Variants in PCDHA5 observed in about 807,000 individuals in gnomAD.
The protein encoded by PCDHA5 is protocadherin alpha 5.
A neutral mutation model predicts 61.6 loss-of-function variants in PCDHA5; 43 were observed. That is an observed-to-expected ratio of 0.70 (90% CI 0.55 to 0.90). The LOEUF is 0.90. Ranked by LOEUF, PCDHA5 falls within the 40% of genes least tolerant of loss-of-function variation. The pLI, the probability that PCDHA5 is intolerant of heterozygous loss-of-function variation, is 0.00. For synonymous variants in PCDHA5, 627 were observed against 543.9 expected, an observed-to-expected ratio of 1.15 and a Z score of -2.13; for missense variants, 1,298 against 1,222.7, an observed-to-expected ratio of 1.06 and a Z score of -0.92.
intron 1 of PCDHA5, chr5:140,850,108 G>T: frequency 6.3e-7 from 1 of 1,596,108 alleles, no homozygotes; most frequent in Non-Finnish European, 8.6e-7. Context: ...GTGAGCGCGC[G>T]CGACGCGGGC....
chr5:140,848,879 C>T (rs2150423372), intron 1 of PCDHA5: 26 of 1,590,952 alleles, frequency 1.6e-5, no homozygotes, highest in Admixed American at 1.2e-4. Flanking sequence ...ACATTAACGA[C>T]AACCCTCCAG....
rs1430137096 is a variant in PCDHA5, at chr5:140,871,495, G to A, written c.2352+47368G>A. On this transcript the variant is annotated intron_variant, in intron 1 of 3. Transcript: ENST00000529859. ...GCCAGGGTCAAATCACCCCGGACAG[G>A]TGAGTTTTCTACAGATTCCACCTAT... 5 of 1,588,092 alleles carry A rather than the reference G, an allele frequency of 3.1e-6. No homozygotes were observed. The African/African-American group carries it at 6.7e-5, about 21-fold the overall frequency.
intron 1 of PCDHA5, chr5:140,862,692 G>A (rs1354476181): frequency 3.2e-5 from 18 of 555,384 alleles, no homozygotes; most frequent in Admixed American, 5.8e-5. Flanking sequence ...TGTCCTACTC[G>A]TTGATGGAAC....
intron 1 of PCDHA5, chr5:140,876,755 G>C (rs782037862): frequency 1.9e-6 from 3 of 1,614,248 alleles, no homozygotes; most frequent in Non-Finnish European, 1.7e-6. Flanking sequence ...GTGACTGCGC[G>C]GGATGGGGGC....
intron 1 of PCDHA5, among the ~76,000 whole-genome samples, chr5:140,826,666 G>A (rs1554130619): frequency 6.6e-6 from 1 of 152,130 alleles, no homozygotes; most frequent in Non-Finnish European, 1.5e-5. Flanking sequence ...CAAGTAAATT[G>A]TAGACGTAAT....
intron 1 of PCDHA5, chr5:140,841,441 A>G: frequency 1.2e-6 from 2 of 1,612,978 alleles, no homozygotes; most frequent in Non-Finnish European, 1.7e-6. Context: ...AGGAGGCCAA[A>G]CACGGCACCT....
At chr5:140,828,871 A>C in intron 1 of PCDHA5, 1 of 1,614,250 alleles carries the variant, frequency 6.2e-7, no homozygotes, top group Non-Finnish European at 8.5e-7. Context: ...ACGGAACAAC[A>C]GTTATCAGAC....
rs1470317828 is a variant in PCDHA5 at position 140,823,077 on chromosome 5, G to A, written c.1302G>A (p.Leu434=). ...CGCGGGACGGGGGCTCGCCTTCGCT[G>A]TGGGCCACCGCCAGCGTGTCTGTGG... is the stretch of plus-strand genomic sequence containing the variant. ...VTARDGGSPS[L]WATASVSVEV... The change falls in exon 1 of 4, where the codon CTG becomes CTA. Residue 434 remains leucine, a synonymous_variant. Transcript: ENST00000529859. The A allele has an allele frequency of 2.5e-6, 4 of 1,614,028 alleles. No homozygotes were observed. Among genetic ancestry groups the A allele is most frequent in the Non-Finnish European group, 3.4e-6 (4 of 1,180,024 alleles).
intron 1 of PCDHA5, chr5:140,966,588 G>A: frequency 3.6e-6 from 2 of 558,362 alleles, no homozygotes; most frequent in Non-Finnish European, 5.7e-6. Flanking sequence ...GAGGACGGTG[G>A]GGCCAGGAGC....
intron 1 of PCDHA5, chr5:140,875,400 T>C: frequency 6.7e-7 from 1 of 1,485,268 alleles, no homozygotes; most frequent in Admixed American, 2.6e-5. Flanking sequence ...AAAGGGTGAC[T>C]GCTCATAAAA....
At chr5:140,934,430 G>A (rs1249557283) in intron 1 of PCDHA5, among the ~76,000 whole-genome samples, 1 of 152,108 alleles carries the variant, frequency 6.6e-6, no homozygotes, top group Non-Finnish European at 1.5e-5. Context: ...CAATGCAAGT[G>A]TAAATATAGT....
At chr5:140,985,348 A>G (rs1197077354) in intron 3 of PCDHA5, among the ~76,000 whole-genome samples, 2 of 152,190 alleles carry the variant, frequency 1.3e-5, no homozygotes, top group Non-Finnish European at 2.9e-5. Context: ...AGGCCCAGAT[A>G]TAGACCCTCT....
At position 140,822,668 on chromosome 5, in the gene PCDHA5, C is replaced by T. The variant is rs2150118431; in HGVS notation, c.893C>T (p.Thr298Ile). The T allele has an allele frequency of 6.2e-7, 1 of 1,607,766 alleles. No individual in the cohort carries two copies. The highest frequency in any genetic ancestry group is 8.5e-7 in the Non-Finnish European group (1 of 1,175,062). ...VKSKFIINSN[T>I]GEIKVNGELD... Reference sequence around the variant, plus strand: ...TCCAAATTTATAATTAATTCTAATACTGGTGAAATAAAAGTTAACGGGGAA... The same window carrying T: ...TCCAAATTTATAATTAATTCTAATATTGGTGAAATAAAAGTTAACGGGGAA... The change falls in exon 1 of 4, where the codon ACT becomes ATT. Residue 298 changes from threonine to isoleucine, a missense_variant. Physicochemically the swap from Thr to Ile is moderately conservative, Grantham distance 89. Coordinates refer to ENST00000529859, the MANE Select transcript of PCDHA5 (RefSeq NM_018908.3).
chr5:140,901,148 CA>C (rs1244292469), intron 1 of PCDHA5, among the ~76,000 whole-genome samples: 17 of 152,076 alleles, frequency 1.1e-4, no homozygotes, highest in Non-Finnish European at 2.4e-4. Context: ...TATTTTCTCT[CA>C]ATCTGTGGGT....
intron 1 of PCDHA5, among the ~76,000 whole-genome samples, chr5:140,899,424 T>A (rs1437811361): frequency 6.6e-6 from 1 of 152,206 alleles, no homozygotes; most frequent in African/African-American, 2.4e-5. Flanking sequence ...TTGTCAAAGG[T>A]CTTTTCTGCA....
chr5:140,922,560 G>A (rs2080886484), intron 1 of PCDHA5, among the ~76,000 whole-genome samples: 4 of 152,146 alleles, frequency 2.6e-5, no homozygotes, highest in Admixed American at 2.6e-4. Flanking sequence ...GAAAAGTCAG[G>A]ATGACAAGTT....
chr5:140,941,202 C>CTTTCTGTCTTTCTTT (rs1554213921), intron 1 of PCDHA5, among the ~76,000 whole-genome samples: 1 of 122,742 alleles, frequency 8.1e-6, no homozygotes, highest in African/African-American at 3.0e-5. Context: ...TTTCTTTCTT[C>CTTTCTGTCTTTCTTT]CTTTCTTTCT....
At chr5:140,865,342 T>G (rs1437907469) in intron 1 of PCDHA5, 1 of 152,202 alleles carries the variant, frequency 6.6e-6, no homozygotes, top group Non-Finnish European at 1.5e-5. Flanking sequence ...AAAGAAATAG[T>G]ATATTTACAT....
At chr5:140,888,286 C>A (rs1277980750) in intron 1 of PCDHA5, among the ~76,000 whole-genome samples, 7 of 152,080 alleles carry the variant, frequency 4.6e-5, no homozygotes, top group African/African-American at 1.7e-4. Context: ...TCCCCTCTAC[C>A]CCCTACCCAG....
Sources: gnomAD v4.1 joint callset for allele counts (sites outside exome capture counted in the v4.1 genomes callset) on GRCh38, gnomAD v4.1.1 for gene constraint, MANE v1.5 for transcripts, NCBI Gene and HGNC (gene_info 2026-07-23, HGNC 2026-07-21) for gene names.